Variants in SORCS2 observed in about 807,000 individuals in gnomAD.
The protein encoded by SORCS2 is VPS10 domain-containing receptor SorCS2.
SORCS2 carries 100 observed loss-of-function variants against 141.6 expected under a neutral mutation model. The observed-to-expected ratio is 0.71, with a 90% CI of 0.60 to 0.83. The LOEUF (loss-of-function observed/expected upper bound fraction) is 0.83. SORCS2 is among the 40% of genes least tolerant of loss of function. The pLI is 0.00. For synonymous variants in SORCS2, 789 were observed against 676.9 expected (o/e 1.17, Z -2.57); for missense variants, 1,646 against 1,560.2 (o/e 1.05, Z -0.93).
chr4:7,354,876 A>G (rs962360404), intron 1 of SORCS2, among the ~76,000 whole-genome samples: 2 of 152,178 alleles, frequency 1.3e-5, no homozygotes, highest in Non-Finnish European at 2.9e-5. Context: ...CTTTTACATG[A>G]TAAGGAAGGT....
At chr4:7,486,604 T>C (rs978512387) in intron 2 of SORCS2, among the ~76,000 whole-genome samples, 3 of 152,168 alleles carry the variant, frequency 2.0e-5, no homozygotes, top group Non-Finnish European at 4.4e-5. Flanking sequence ...ACCCCAGACC[T>C]GACTGCTTCA....
At chr4:7,379,246 G>T (rs1417832742) in intron 1 of SORCS2, among the ~76,000 whole-genome samples, 1 of 152,172 alleles carries the variant, frequency 6.6e-6, no homozygotes, top group Admixed American at 6.5e-5. Flanking sequence ...TCCCCAGGGT[G>T]CAGCAGGTTC....
At position 7,735,766 on chromosome 4, in the gene SORCS2, G is replaced by C. The variant is rs561684815; in HGVS notation, c.3312-1303G>C. Among the ~76,000 whole-genome samples the C allele has an allele frequency of 5.3e-5, 8 of 152,328 alleles. No homozygotes were observed. The South Asian group carries it at 1.7e-3, about 32-fold the overall frequency. ...ATCTTCTTCCCCCAAAGCTGGTGCTGAGCAAATGACACTGTCCTCTACCAG... is the reference window on the plus strand; with the variant it reads ...ATCTTCTTCCCCCAAAGCTGGTGCTCAGCAAATGACACTGTCCTCTACCAG... On this transcript the variant is annotated intron_variant, in intron 25 of 26. Transcript: ENST00000507866.
At chr4:7,216,980 C>T (rs907914804) in intron 1 of SORCS2, among the ~76,000 whole-genome samples, 8 of 152,182 alleles carry the variant, frequency 5.3e-5, no homozygotes, top group Admixed American at 1.3e-4. Context: ...ATCCCCCATC[C>T]GCACTGTGTG....
intron 1 of SORCS2, among the ~76,000 whole-genome samples, chr4:7,239,120 A>C (rs1712504207): frequency 6.6e-6 from 1 of 152,144 alleles, no homozygotes; most frequent in South Asian, 2.1e-4. Context: ...GCTCCTTCAA[A>C]GTCCCTGTCC....
chr4:7,472,816 G>A (rs1332768733), intron 2 of SORCS2, among the ~76,000 whole-genome samples: 1 of 152,206 alleles, frequency 6.6e-6, no homozygotes, highest in African/African-American at 2.4e-5. Flanking sequence ...CTAGAACCTG[G>A]TTTGATTGGG....
chr4:7,690,704 A>C (rs1391262792), intron 11 of SORCS2, among the ~76,000 whole-genome samples: 1 of 152,090 alleles, frequency 6.6e-6, no homozygotes, highest in Non-Finnish European at 1.5e-5. Flanking sequence ...GAATGGATAG[A>C]AAAACTGATA....
intron 3 of SORCS2, among the ~76,000 whole-genome samples, chr4:7,597,574 G>A (rs796891147): frequency 5.3e-5 from 8 of 151,390 alleles, no homozygotes; most frequent in African/African-American, 1.9e-4. Context: ...AATAGGGGAA[G>A]GGGCTGTTGC....
chr4:7,453,750 C>T (rs1728661427), intron 2 of SORCS2, among the ~76,000 whole-genome samples: 1 of 91,234 alleles, frequency 1.1e-5, no homozygotes, highest in African/African-American at 4.7e-5. Flanking sequence ...GTGTTGGGGT[C>T]AGGAGCTGTG....
intron 2 of SORCS2, among the ~76,000 whole-genome samples, chr4:7,515,766 T>A (rs1732937418): frequency 6.6e-6 from 1 of 152,260 alleles, no homozygotes; most frequent in Admixed American, 6.5e-5. Flanking sequence ...GAGTGGGGAA[T>A]GATTTTCACA....
chr4:7,601,949 T>G (rs946015073), intron 3 of SORCS2, among the ~76,000 whole-genome samples: 1 of 152,080 alleles, frequency 6.6e-6, no homozygotes, highest in Non-Finnish European at 1.5e-5. Context: ...TAACCCTGAG[T>G]GGACACAGCA....
At chr4:7,715,108 G>T (rs1395418502) in intron 16 of SORCS2, 75 bp from the exon 17 acceptor site, 10 of 1,586,684 alleles carry the variant, frequency 6.3e-6, no homozygotes, top group Non-Finnish European at 7.7e-6. Context: ...AGCTCCCCCA[G>T]ATTTCACCCC....
intron 4 of SORCS2, among the ~76,000 whole-genome samples, chr4:7,644,711 C>T (rs924207974): frequency 2.0e-5 from 3 of 152,170 alleles, no homozygotes; most frequent in African/African-American, 7.2e-5. Flanking sequence ...CCTTCCTGGG[C>T]CCTCAAGCTG....
At chr4:7,249,450 G>A (rs1273345468) in intron 1 of SORCS2, among the ~76,000 whole-genome samples, 1 of 152,196 alleles carries the variant, frequency 6.6e-6, no homozygotes, top group East Asian at 1.9e-4. Flanking sequence ...TCTTCTGTGG[G>A]CCGAGAAGTT....
chr4:7,616,194 A>C (rs1465563547), intron 3 of SORCS2, among the ~76,000 whole-genome samples: 1 of 152,028 alleles, frequency 6.6e-6, no homozygotes, highest in African/African-American at 2.4e-5. Flanking sequence ...TACCTAGCCA[A>C]ATAATTACCT....
chr4:7,382,076 C>A, intron 1 of SORCS2: 1 of 684,142 alleles, frequency 1.5e-6, no homozygotes, highest in Non-Finnish European at 1.8e-6. Flanking sequence ...GCATGAGGGG[C>A]TCCAAGGCCT....
intron 1 of SORCS2, among the ~76,000 whole-genome samples, chr4:7,388,507 G>A (rs1723632214): frequency 6.6e-6 from 1 of 152,060 alleles, no homozygotes; most frequent in Admixed American, 6.6e-5. Context: ...ACTACTAAAG[G>A]GTCTCTAGTT....
At chr4:7,595,511 C>T (rs1459448127) in intron 3 of SORCS2, among the ~76,000 whole-genome samples, 4 of 152,150 alleles carry the variant, frequency 2.6e-5, no homozygotes, top group Non-Finnish European at 5.9e-5. Context: ...CATCCCAAAG[C>T]TGTCTCCACC....
At chr4:7,396,646 A>G (rs1351861663) in intron 2 of SORCS2, among the ~76,000 whole-genome samples, 2 of 151,894 alleles carry the variant, frequency 1.3e-5, no homozygotes, top group African/African-American at 4.8e-5. Flanking sequence ...CCGGAGGAGG[A>G]GGGTTTGCAT....
Sources: allele counts gnomAD v4.1 joint callset (sites outside exome capture counted in the v4.1 genomes callset), GRCh38; gene constraint gnomAD v4.1.1; transcripts MANE v1.5; gene names NCBI Gene and HGNC (gene_info 2026-07-23, HGNC 2026-07-21).